TCN1: variants seen among roughly 807,000 people sequenced by gnomAD.
The protein encoded by TCN1 is transcobalamin 1.
A neutral mutation model predicts 46.3 loss-of-function variants in TCN1; 47 were observed. The observed-to-expected ratio is 1.01, with a 90% CI of 0.80 to 1.29. TCN1 has a LOEUF of 1.29. TCN1 is among the 50% of genes most tolerant of loss of function. The pLI, the probability that TCN1 is intolerant of heterozygous loss-of-function variation, is 0.00. For missense variants in TCN1, 532 were observed against 511.0 expected (o/e 1.04, Z -0.40); for synonymous variants, 183 against 192.5 (o/e 0.95, Z 0.41).
chr11:59,863,863 A>G, intron 2 of TCN1, 44 bp downstream of exon 2: 1 of 1,604,748 alleles, frequency 6.2e-7, no homozygotes. Flanking sequence ...ATCTTTAAAT[A>G]GGTAGATTTT....
intron 4 of TCN1, among the ~76,000 whole-genome samples, chr11:59,859,821 A>G (rs1046347747): frequency 6.6e-6 from 1 of 152,252 alleles, no homozygotes; most frequent in African/African-American, 2.4e-5. Flanking sequence ...GTCAATGCTC[A>G]GCTGAACATA....
intron 3 of TCN1, 71 bp from the exon 4 acceptor site, chr11:59,861,753 T>C: frequency 1.3e-6 from 2 of 1,519,746 alleles, no homozygotes; most frequent in South Asian, 1.1e-5. Flanking sequence ...CATCTATTCC[T>C]ACTTACTCTA....
At position 59,856,023 on chromosome 11, in the gene TCN1, A is replaced by G. The variant is rs750003827; in HGVS notation, c.783T>C (p.Asn261=). ...LFVSSDYYNE[N]DWNCQQTLNT... Reference sequence around the variant, plus strand: ...TCAGAGTTTGTTGGCAATTCCAGTCATTTTCATTATAATAGTCTGATGATA... The same window carrying G: ...TCAGAGTTTGTTGGCAATTCCAGTCGTTTTCATTATAATAGTCTGATGATA... The change falls in exon 6 of 9, where the codon AAT becomes AAC. Residue 261 remains asparagine, a synonymous_variant. Transcript: ENST00000257264. 1 of 1,311,872 alleles carries G rather than the reference A, an allele frequency of 7.6e-7. No homozygotes were observed. 81.3% of individuals were successfully genotyped at this position (1,311,872 alleles called of 1,614,324 possible).
intron 7 of TCN1, among the ~76,000 whole-genome samples, chr11:59,854,120 A>G (rs1310211618): frequency 6.6e-6 from 1 of 151,404 alleles, no homozygotes; most frequent in East Asian, 1.9e-4. Context: ...TAAATTTGGC[A>G]GTGGCTCATG....
At chr11:59,861,255 A>T (rs1298344900) in intron 4 of TCN1, among the ~76,000 whole-genome samples, 2 of 152,236 alleles carry the variant, frequency 1.3e-5, no homozygotes, top group Non-Finnish European at 1.5e-5. Flanking sequence ...ACAAATGGAA[A>T]AATTAAGATC....
chr11:59,853,292 G>A lies in TCN1; in HGVS notation c.1151C>T (p.Pro384Leu), dbSNP rs745735811. 4.8e-5 allele frequency: 78 copies of A among 1,613,928 alleles called. No homozygotes were observed. The South Asian group carries it at 7.9e-4, about 16-fold the overall frequency. ...TAGGCCCTGAATACAGGTGATATAG[G>A]GCCCCCATGAGCGCTCCTCCATTGT... ...GFTMEERSWG[P>L]YITCIQGLCA... Residue 384 changes from proline (P) to leucine (L), a missense_variant, in exon 8 of 9, where the codon CCC (proline) becomes CTC (leucine). By Grantham distance (98) the Pro-to-Leu change is moderately conservative. Coordinates refer to ENST00000257264, the MANE Select transcript of TCN1 (RefSeq NM_001062.4).
At position 59,859,108 on chromosome 11, in the gene TCN1, C is replaced by T; in HGVS notation, c.716G>A (p.Gly239Glu). The change falls in exon 5 of 9, where the codon GGA (glycine) becomes GAA (glutamate). Residue 239 changes from glycine (G) to glutamate (E), a missense_variant. Transcript: ENST00000257264. The part of the protein sequence containing the change: ...LSEKKENGLI[G>E]NTFSTGEAMQ... Reference sequence around the variant, plus strand: ...GGCTTCTCCTGTGCTAAATGTGTTTCCAATGAGACCATTTTCTTTTTTCTC... The same window carrying T: ...GGCTTCTCCTGTGCTAAATGTGTTTTCAATGAGACCATTTTCTTTTTTCTC... The T allele has an allele frequency of 6.2e-7, 1 of 1,613,904 alleles. No individual in the cohort carries two copies.
intron 4 of TCN1, among the ~76,000 whole-genome samples, chr11:59,859,499 T>C (rs1852994889): frequency 6.6e-6 from 1 of 152,242 alleles, no homozygotes; most frequent in African/African-American, 2.4e-5. Flanking sequence ...AGTTGCCATG[T>C]ACTCCATAGT....
chr11:59,863,676 T>A (rs1410238015), intron 2 of TCN1, among the ~76,000 whole-genome samples: 1 of 152,134 alleles, frequency 6.6e-6, no homozygotes, highest in African/African-American at 2.4e-5. Context: ...TAGCTTTTGT[T>A]TGTGGCTTCT....
At chr11:59,859,004 TAAA>T in intron 5 of TCN1, 70 bp downstream of exon 5, 14 of 1,297,782 alleles carry the variant, frequency 1.1e-5, no homozygotes, top group Non-Finnish European at 1.4e-5. Flanking sequence ...AGCTCCATCT[TAAA>T]AAAAAAAAAA....
At chr11:59,858,007 C>T (rs1852965286) in intron 5 of TCN1, among the ~76,000 whole-genome samples, 1 of 152,156 alleles carries the variant, frequency 6.6e-6, no homozygotes, top group African/African-American at 2.4e-5. Flanking sequence ...CTTAAATATA[C>T]TATGTTTTTT....
chr11:59,861,467 G>T, intron 4 of TCN1, 60 bp downstream of exon 4: 1 of 1,579,238 alleles, frequency 6.3e-7, no homozygotes, highest in South Asian at 1.1e-5. Context: ...AAAACTCAAA[G>T]AGCAAGACCT....
chr11:59,862,889 C>T (rs1419631507), intron 2 of TCN1, among the ~76,000 whole-genome samples, 167 bp from the exon 3 acceptor site: 7 of 152,172 alleles, frequency 4.6e-5, no homozygotes, highest in East Asian at 1.9e-4. Flanking sequence ...GGTTGTTAAG[C>T]GATTTTGTCA....
intron 6 of TCN1, among the ~76,000 whole-genome samples, chr11:59,855,146 G>A (rs1852917200): frequency 6.6e-6 from 1 of 151,884 alleles, no homozygotes; most frequent in Non-Finnish European, 1.5e-5. Flanking sequence ...CCTTGGTACA[G>A]CATACAATAA....
At chr11:59,853,127 A>G in intron 8 of TCN1, 76 bp downstream of exon 8, 2 of 1,602,070 alleles carry the variant, frequency 1.2e-6, no homozygotes, top group Non-Finnish European at 1.7e-6. Context: ...CCCTTGGCCC[A>G]ATCCCCACAG....
intron 7 of TCN1, 143 bp from the exon 8 acceptor site, chr11:59,853,464 T>G (rs1372649980): frequency 7.3e-6 from 6 of 818,702 alleles, no homozygotes; most frequent in Non-Finnish European, 1.2e-5. Context: ...CCATAGATAT[T>G]TTTATTTTTA....
At position 59,854,732 on chromosome 11, in the gene TCN1, G is replaced by A. The variant is rs950716343; in HGVS notation, c.1041C>T (p.Phe347=). 6.2e-7 allele frequency: 1 copy of A among 1,614,026 alleles called. No individual in the cohort carries two copies. Among genetic ancestry groups the A allele is most frequent in the African/African-American group, 1.3e-5 (1 of 75,030 alleles). ...NYSVRINETY[F]TNVTVLNGSV... is the part of the protein sequence containing the mutation. ...AACCATTTAGCACAGTGACATTGGT[G>A]AAATATGTTTCATTGATTCTCACAG... The change falls in exon 7 of 9, where the codon TTC becomes TTT. Residue 347 remains phenylalanine (F), a synonymous_variant. Transcript: ENST00000257264.
Position 59,861,552 on chromosome 11 carries a change from ATAGTTTT to A in TCN1, c.524_530del (p.Lys175IlefsTer9), listed in dbSNP as rs767766166. 1.4e-5 allele frequency: 22 copies of A among 1,614,078 alleles called. No individual in the cohort carries two copies. The African/African-American group carries it at 1.9e-4, about 14-fold the overall frequency. On this transcript the variant is annotated frameshift_variant, in exon 4 of 9. Transcript: ENST00000257264. LOFTEE classifies it high-confidence loss of function. ...CTACTGAGAACTGGCTACCAAAATAATAGTTTTTATTTTCAGGAGTGAAGTGGTTGAC... is the reference window on the plus strand; with the variant it reads ...CTACTGAGAACTGGCTACCAAAATAATATTTTCAGGAGTGAAGTGGTTGAC...
In TCN1 at chr11:59,856,069, AGGGTGGGGTG is replaced by A; in HGVS notation, c.748-21_748-12del. The A allele has an allele frequency of 2.8e-6, 1 of 359,436 alleles. No homozygotes were observed. Among genetic ancestry groups the A allele is most frequent in the Non-Finnish European group, 4.9e-6 (1 of 206,020 alleles). 22.3% of individuals were successfully genotyped at this position (359,436 alleles called of 1,614,324 possible). On this transcript the variant is annotated splice_polypyrimidine_tract_variant and intron_variant, in intron 5 of 8. Transcript: ENST00000257264. The stretch of plus-strand genomic sequence containing the variant: ...TGATACAAAGAGGGCCTAATGAGGC[AGGGTGGGGTG>A]GGGGGGTGATGAGAGATAAAGAGAG...
Sources: gnomAD v4.1 joint callset for allele counts (sites outside exome capture counted in the v4.1 genomes callset) on GRCh38, gnomAD v4.1.1 for gene constraint, MANE v1.5 for transcripts, NCBI Gene and HGNC (gene_info 2026-07-23, HGNC 2026-07-21) for gene names.